Variants in INPP5A observed in about 807,000 individuals in gnomAD.
INPP5A encodes 43 kDa inositol polyphosphate 5-phophatase.
Under a neutral mutation model 65.2 loss-of-function variants are expected in INPP5A, and 14 were observed. The observed-to-expected ratio is 0.21, with a 90% CI of 0.14 to 0.34. The LOEUF is 0.34. Among genes scored for constraint, INPP5A ranks in the 10% least tolerant of loss-of-function variants. INPP5A has a pLI of 1.00. For missense variants in INPP5A, 431 were observed against 545.6 expected (o/e 0.79, Z 2.09); for synonymous variants, 207 against 208.3 (o/e 0.99, Z 0.05).
At chr10:132,562,626 G>A (rs1040128733) in intron 1 of INPP5A, among the ~76,000 whole-genome samples, 3 of 152,272 alleles carry the variant, frequency 2.0e-5, no homozygotes, top group Non-Finnish European at 4.4e-5. Context: ...CACGAGTGTG[G>A]CCAGTATGAA....
At chr10:132,699,028 C>T (rs898641680) in intron 6 of INPP5A, among the ~76,000 whole-genome samples, 1 of 152,238 alleles carries the variant, frequency 6.6e-6, no homozygotes, top group East Asian at 1.9e-4. Context: ...GTCCTCGGTC[C>T]TGCTTCCGGC....
chr10:132,688,820 G>A (rs1845198484), intron 4 of INPP5A, among the ~76,000 whole-genome samples: 1 of 3,416 alleles, frequency 2.9e-4, no homozygotes, highest in Admixed American at 2.9e-3. Context: ...GTGAGTGCAT[G>A]ACTGAGTGCA....
At chr10:132,745,739 G>A (rs1462189341) in intron 9 of INPP5A, among the ~76,000 whole-genome samples, 1 of 148,772 alleles carries the variant, frequency 6.7e-6, no homozygotes, top group East Asian at 2.0e-4. Context: ...GGCGTGGTGG[G>A]CCTCAGCTGT....
In INPP5A at chr10:132,579,490, G is replaced by A. The variant is rs926474628; in HGVS notation, c.76-28425G>A. On this transcript the variant is annotated intron_variant, in intron 1 of 15. Transcript: ENST00000368594. ...GGGCAGAGAGGGGGCCGGAGCCAAG[G>A]AGTGGACTCTGGGCATCCCAATGGT... Among the ~76,000 whole-genome samples the A allele has an allele frequency of 3.3e-5, 5 of 152,174 alleles. No homozygotes were observed. The South Asian group carries it at 8.3e-4, about 25-fold the overall frequency.
At chr10:132,604,205 G>A (rs1285406092) in intron 1 of INPP5A, among the ~76,000 whole-genome samples, 3 of 143,906 alleles carry the variant, frequency 2.1e-5, no homozygotes, top group Non-Finnish European at 4.5e-5. Flanking sequence ...ACCCTGTGCT[G>A]TCAGGGTCCC....
chr10:132,759,792 C>T (rs1450605872), intron 11 of INPP5A, among the ~76,000 whole-genome samples: 1 of 152,116 alleles, frequency 6.6e-6, no homozygotes, highest in Non-Finnish European at 1.5e-5. Flanking sequence ...CACGCCAGCC[C>T]ATGGAGGTAG....
chr10:132,605,738 G>A (rs758937393), intron 1 of INPP5A, among the ~76,000 whole-genome samples: 13 of 152,116 alleles, frequency 8.5e-5, no homozygotes, highest in Non-Finnish European at 1.9e-4. Context: ...TAGTGTTGGG[G>A]TGTGTGCCAA....
chr10:132,755,726 A>T lies in INPP5A; in HGVS notation c.903+5881A>T, dbSNP rs145504012. ...TGCTTTTTAGTTAGAAAGTTTAGGCAGACCCTAGCGGCAGCCGCTGAGGCC... is the reference window on the plus strand; with the variant it reads ...TGCTTTTTAGTTAGAAAGTTTAGGCTGACCCTAGCGGCAGCCGCTGAGGCC... On this transcript the variant is annotated intron_variant, in intron 11 of 15. Coordinates refer to ENST00000368594, the MANE Select transcript of INPP5A (RefSeq NM_005539.5). 4.2e-4 allele frequency among the ~76,000 whole-genome samples: 64 copies of T among 152,122 alleles called. No individual in the cohort carries two copies. The East Asian group carries it at 8.9e-3, about 21-fold the overall frequency.
At chr10:132,610,258 CT>C (rs1007767601) in intron 2 of INPP5A, among the ~76,000 whole-genome samples, 2 of 152,248 alleles carry the variant, frequency 1.3e-5, no homozygotes, top group African/African-American at 4.8e-5. Context: ...GAGGAAGCCC[CT>C]GTCCCCACGC....
At chr10:132,638,121 C>T (rs1275261674) in intron 2 of INPP5A, among the ~76,000 whole-genome samples, 1 of 152,128 alleles carries the variant, frequency 6.6e-6, no homozygotes, top group African/African-American at 2.4e-5. Context: ...TCCCTCTTTT[C>T]CTGCCTTTTC....
At chr10:132,615,033 C>T (rs1166422350) in intron 2 of INPP5A, among the ~76,000 whole-genome samples, 1 of 152,240 alleles carries the variant, frequency 6.6e-6, no homozygotes, top group Non-Finnish European at 1.5e-5. Context: ...ACGCGTCCAG[C>T]GTTGGGTCAG....
At chr10:132,634,962 T>C (rs1359059793) in intron 2 of INPP5A, among the ~76,000 whole-genome samples, 2 of 152,346 alleles carry the variant, frequency 1.3e-5, no homozygotes, top group East Asian at 3.9e-4. Context: ...TTGTTTTTTA[T>C]CCACCCTGTA....
chr10:132,779,278 C>T (rs1847117926), intron 13 of INPP5A, among the ~76,000 whole-genome samples: 2 of 152,264 alleles, frequency 1.3e-5, no homozygotes, highest in Non-Finnish European at 2.9e-5. Context: ...ACGCCAGTCC[C>T]TCGGTGCCAC....
chr10:132,572,693 G>C (rs1028129494), intron 1 of INPP5A, among the ~76,000 whole-genome samples: 1 of 152,102 alleles, frequency 6.6e-6, no homozygotes, highest in Non-Finnish European at 1.5e-5. Flanking sequence ...GGCTTTACTC[G>C]GTAGCGTTTA....
chr10:132,670,843 C>CTTTTT (rs11289296), intron 4 of INPP5A, among the ~76,000 whole-genome samples: 2 of 117,018 alleles, frequency 1.7e-5, no homozygotes, highest in East Asian at 2.7e-4. Flanking sequence ...GTCTTTCTTT[C>CTTTTT]TTTTTTTTTT....
chr10:132,721,103 AG>A (rs1845867665), intron 8 of INPP5A, among the ~76,000 whole-genome samples: 1 of 75,564 alleles, frequency 1.3e-5, no homozygotes, highest in African/African-American at 5.3e-5. Context: ...TGCCTGGAGG[AG>A]CCTTAGACGA....
chr10:132,726,888 T>G lies in INPP5A; in HGVS notation c.715T>G (p.Ser239Ala), dbSNP rs780754916. The change falls in exon 9 of 16, where the codon TCC becomes GCC. Residue 239 changes from serine (S) to alanine (A), a missense_variant. By Grantham distance (99) the Ser-to-Ala change is moderately conservative (BLOSUM62 1). Coordinates refer to ENST00000368594, the MANE Select transcript of INPP5A (RefSeq NM_005539.5). ...VFGDFNFRLD[S>A]KSVVETLCTK... ...TGGTGATTTCAACTTCCGGCTGGAT[T>G]CCAAGTCCGTCGTGGAGGTAGGCGC... 5.6e-6 allele frequency: 9 copies of G among 1,609,564 alleles called. No individual in the cohort carries two copies. Among genetic ancestry groups the G allele is most frequent in the Admixed American group, 1.7e-5 (1 of 59,752 alleles).
intron 11 of INPP5A, among the ~76,000 whole-genome samples, chr10:132,752,471 A>T (rs1373211143): frequency 9.6e-6 from 1 of 103,816 alleles, no homozygotes; most frequent in African/African-American, 3.8e-5. Flanking sequence ...GGGGTGTGGC[A>T]TGGAGAGGGG....
intron 3 of INPP5A, among the ~76,000 whole-genome samples, chr10:132,646,362 G>A (rs1255576437): frequency 6.6e-6 from 1 of 152,154 alleles, no homozygotes; most frequent in Non-Finnish European, 1.5e-5. Flanking sequence ...TCCTCCTTGG[G>A]GGCGAAATCT....
Sources: allele counts gnomAD v4.1 joint callset (sites outside exome capture counted in the v4.1 genomes callset), GRCh38; gene constraint gnomAD v4.1.1; transcripts MANE v1.5; gene names NCBI Gene and HGNC (gene_info 2026-07-23, HGNC 2026-07-21).